Variants in RGS6 observed in about 807,000 individuals in gnomAD.
RGS6 encodes the protein regulator of G protein signaling 6, also known as regulator of G-protein signaling 6.
In RGS6, 30 loss-of-function variants were observed where a neutral mutation model predicts 78.5. That is an observed-to-expected ratio of 0.38 (90% CI 0.29 to 0.52). The LOEUF (loss-of-function observed/expected upper bound fraction) is 0.52. RGS6 is among the 20% of genes least tolerant of loss of function. RGS6 has a pLI of 0.85. For synonymous variants in RGS6, 206 were observed against 206.0 expected (o/e 1.00, Z 0.00); for missense variants, 495 against 609.7 (o/e 0.81, Z 1.98).
intron 17 of RGS6, among the ~76,000 whole-genome samples, chr14:72,559,464 C>G (rs1364398039): frequency 6.6e-6 from 1 of 152,248 alleles, no homozygotes; most frequent in African/African-American, 2.4e-5. Flanking sequence ...TGCCCTCACT[C>G]ACGCGGGAGG....
At chr14:72,098,647 TC>T (rs1224663232) in intron 2 of RGS6, among the ~76,000 whole-genome samples, 1 of 152,188 alleles carries the variant, frequency 6.6e-6, no homozygotes, top group African/African-American at 2.4e-5. Flanking sequence ...AATACAGAGT[TC>T]CAGTTTCCCT....
intron 2 of RGS6, among the ~76,000 whole-genome samples, chr14:72,140,192 C>T (rs555400030): frequency 2.6e-5 from 4 of 152,276 alleles, no homozygotes; most frequent in African/African-American, 7.2e-5. Flanking sequence ...GCACCAGCAT[C>T]CACAACCCAC....
At chr14:72,556,549 C>T (rs1388068734) in intron 17 of RGS6, among the ~76,000 whole-genome samples, 1 of 152,070 alleles carries the variant, frequency 6.6e-6, no homozygotes. Flanking sequence ...CAGTGACATT[C>T]TGTGGGAATT....
chr14:72,020,197 C>G (rs956742932), intron 2 of RGS6, among the ~76,000 whole-genome samples: 7 of 152,164 alleles, frequency 4.6e-5, no homozygotes, highest in African/African-American at 1.7e-4. Context: ...TGTTTGGTCT[C>G]CCAGCTAAGT....
At chr14:72,046,508 A>G (rs1310366390) in intron 2 of RGS6, among the ~76,000 whole-genome samples, 4 of 152,072 alleles carry the variant, frequency 2.6e-5, no homozygotes, top group Non-Finnish European at 5.9e-5. Context: ...TCAATGTAGT[A>G]AGAGGAGATT....
chr14:72,566,028 G>A lies in RGS6; in HGVS notation c.*3561G>A, dbSNP rs1291579074. 6.6e-6 allele frequency: 1 copy of A among 152,188 alleles called. No individual in the cohort carries two copies. The highest frequency in any genetic ancestry group is 2.4e-5 in the African/African-American group (1 of 41,444). The allele number at this position is 152,188 out of a possible 1,614,324, so 9.4% of individuals were successfully genotyped here. On this transcript the variant is annotated 3_prime_UTR_variant, in exon 18 of 18. Coordinates refer to ENST00000553525, the MANE Select transcript of RGS6 (RefSeq NM_001204424.2). Reference sequence around the variant, plus strand: ...CTGCCCAAGTTGAATATGTAGCAAAGACCATGGGATAAGTTGAATAGTGGC... The same window carrying A: ...CTGCCCAAGTTGAATATGTAGCAAAAACCATGGGATAAGTTGAATAGTGGC...
intron 3 of RGS6, among the ~76,000 whole-genome samples, chr14:72,384,429 G>T (rs2087213683): frequency 6.6e-6 from 1 of 152,072 alleles, no homozygotes. Flanking sequence ...CTATCTTTTG[G>T]TTTTAAAAGT....
chr14:71,908,247 T>G, the RGS6 span: 1 of 152,266 alleles, frequency 6.6e-6, no homozygotes, highest in Admixed American at 6.5e-5. Context: ...ACCATCATCA[T>G]GTTTGCCAAG....
At chr14:72,223,649 A>G (rs1599826116) in intron 2 of RGS6, among the ~76,000 whole-genome samples, 1 of 152,240 alleles carries the variant, frequency 6.6e-6, no homozygotes, top group Admixed American at 6.5e-5. Context: ...GACAAGGGCC[A>G]CTTAGAAGGT....
chr14:71,973,245 CCTTTA>C lies in RGS6; in HGVS notation c.84+8376_84+8380del, dbSNP rs567296177. On this transcript the variant is annotated intron_variant, in intron 2 of 17. Transcript: ENST00000553525. ...TTATTATTTTACTACTTCATAGCCT[CCTTTA>C]CTTTATTTTTAATTTTCTTTAAAAA... Among the ~76,000 whole-genome samples, 484 of 152,236 alleles carry C rather than the reference CCTTTA, an allele frequency of 3.2e-3. 3 individuals carry two copies. The highest frequency in any genetic ancestry group is 0.011 in the African/African-American group (463 of 41,536).
At chr14:72,066,422 A>G (rs1316171338) in intron 2 of RGS6, among the ~76,000 whole-genome samples, 1 of 152,092 alleles carries the variant, frequency 6.6e-6, no homozygotes, top group African/African-American at 2.4e-5. Flanking sequence ...TTTTCTTTAA[A>G]TACACAAGAT....
At position 72,319,038 on chromosome 14, in the gene RGS6, G is replaced by T. The variant is rs575688003; in HGVS notation, c.85-33057G>T. On this transcript the variant is annotated intron_variant, in intron 2 of 17. Coordinates refer to ENST00000553525, the MANE Select transcript of RGS6 (RefSeq NM_001204424.2). The stretch of plus-strand genomic sequence containing the variant: ...ACTGTCCTCTAAATATCTGAATCAA[G>T]AAGTTTCCACATTCAGAGGAAAGTA... Among the ~76,000 whole-genome samples the T allele has an allele frequency of 2.6e-5, 4 of 152,234 alleles. No individual in the cohort carries two copies. The South Asian group carries it at 8.3e-4, about 32-fold the overall frequency.
intron 1 of RGS6, among the ~76,000 whole-genome samples, chr14:71,964,332 C>A (rs1056947562): frequency 2.6e-5 from 4 of 152,108 alleles, no homozygotes; most frequent in Admixed American, 1.3e-4. Context: ...CATGGAGAAA[C>A]CCTGTCTCTA....
At chr14:72,064,465 T>A (rs2094039959) in intron 2 of RGS6, among the ~76,000 whole-genome samples, 2 of 152,256 alleles carry the variant, frequency 1.3e-5, no homozygotes, top group Admixed American at 1.3e-4. Context: ...TTTTCAAGCA[T>A]GAGTTCAACT....
chr14:72,362,224 G>A (rs2081592144), intron 3 of RGS6, among the ~76,000 whole-genome samples: 1 of 152,158 alleles, frequency 6.6e-6, no homozygotes, highest in Non-Finnish European at 1.5e-5. Context: ...GTAGATCAAT[G>A]ATTTATATGA....
chr14:72,279,361 G>A (rs976174758), intron 2 of RGS6, among the ~76,000 whole-genome samples: 4 of 150,902 alleles, frequency 2.7e-5, no homozygotes, highest in African/African-American at 5.0e-5. Context: ...AGGTGGGGCA[G>A]CGTGGGCCCA....
chr14:72,387,969 G>A (rs1362238991), intron 3 of RGS6, among the ~76,000 whole-genome samples: 1 of 152,092 alleles, frequency 6.6e-6, no homozygotes, highest in African/African-American at 2.4e-5. Context: ...TTCTTGTGGG[G>A]ACACCAGTCA....
chr14:72,159,395 A>C (rs2096821854), intron 2 of RGS6, among the ~76,000 whole-genome samples: 1 of 152,214 alleles, frequency 6.6e-6, no homozygotes, highest in Non-Finnish European at 1.5e-5. Flanking sequence ...TCTGGAGAAG[A>C]GAAACAATGA....
intron 2 of RGS6, among the ~76,000 whole-genome samples, chr14:72,291,365 A>G (rs986244785): frequency 1.3e-5 from 2 of 151,968 alleles, no homozygotes; most frequent in African/African-American, 4.8e-5. Flanking sequence ...CTGGGTTCAA[A>G]TCCACCTCCT....
Sources: gnomAD v4.1 joint callset for allele counts (sites outside exome capture counted in the v4.1 genomes callset) on GRCh38, gnomAD v4.1.1 for gene constraint, MANE v1.5 for transcripts, NCBI Gene and HGNC (gene_info 2026-07-23, HGNC 2026-07-21) for gene names.